Variants in EYS observed in about 807,000 individuals in gnomAD.
EYS encodes EGF-like photoreceptor maintenance factor.
A neutral mutation model predicts 282.1 loss-of-function variants in EYS; 250 were observed. The observed-to-expected ratio is 0.89, with a 90% confidence interval of 0.80 to 0.98. The LOEUF (loss-of-function observed/expected upper bound fraction) is 0.98, where lower values mean the gene tolerates loss of function less well. Ranked by LOEUF, EYS falls within the 50% of genes least tolerant of loss-of-function variation. The pLI, the probability that EYS is intolerant of heterozygous loss-of-function variation, is 0.00. For synonymous variants in EYS, 1,355 were observed against 1,282.9 expected (o/e 1.06, Z -1.20); for missense variants, 4,016 against 3,709.0 (o/e 1.08, Z -2.15).
intron 39 of EYS, chr6:63,779,177 G>T (rs1404737317): frequency 6.6e-6 from 1 of 150,784 alleles, no homozygotes; most frequent in Non-Finnish European, 1.5e-5. Flanking sequence ...AGAACTTCTC[G>T]GCCGGGAACG....
chr6:64,620,549 C>A (rs1026515184), intron 23 of EYS, among the ~76,000 whole-genome samples: 7 of 152,128 alleles, frequency 4.6e-5, no homozygotes, highest in Non-Finnish European at 4.4e-5. Flanking sequence ...GTACAGGAAA[C>A]CACACTACAT....
intron 37 of EYS, among the ~76,000 whole-genome samples, chr6:63,793,871 C>A (rs1770577410): frequency 6.6e-6 from 1 of 152,104 alleles, no homozygotes; most frequent in African/African-American, 2.4e-5. Context: ...CGCTTAGAGC[C>A]TTTGTATGTA....
At chr6:64,843,923 T>C (rs776257187) in intron 19 of EYS, among the ~76,000 whole-genome samples, 21 of 152,096 alleles carry the variant, frequency 1.4e-4, no homozygotes, top group Non-Finnish European at 2.9e-5. Flanking sequence ...CGGTGGGAGA[T>C]AATTGAATCA....
intron 22 of EYS, among the ~76,000 whole-genome samples, chr6:64,736,600 A>G (rs1389048164): frequency 6.6e-6 from 1 of 152,106 alleles, no homozygotes; most frequent in Non-Finnish European, 1.5e-5. Flanking sequence ...AATTGTTACT[A>G]TTTTATCTTT....
chr6:65,161,415 G>A lies in EYS; in HGVS notation c.2024-103688C>T, dbSNP rs184443936. Among the ~76,000 whole-genome samples the A allele has an allele frequency of 4.3e-3, 649 of 150,944 alleles. 6 individuals are homozygous for A. The highest frequency in any genetic ancestry group is 6.8e-3 in the Middle Eastern group (2 of 294). On this transcript the variant is annotated intron_variant, in intron 12 of 42. Coordinates refer to ENST00000503581, the MANE Select transcript of EYS (RefSeq NM_001142800.2). ...AATGTACAAGCCTCTCTCAGAGCAT[G>A]AGCCTGAATTTATTGCAAAATTATG...
intron 28 of EYS, among the ~76,000 whole-genome samples, chr6:64,396,278 A>G (rs1773373086): frequency 6.6e-6 from 1 of 152,176 alleles, no homozygotes; most frequent in South Asian, 2.1e-4. Context: ...ACATGCTTGT[A>G]TGTATTGTTT....
chr6:64,261,395 TTAATC>T (rs1256580530), intron 30 of EYS, among the ~76,000 whole-genome samples: 3 of 152,144 alleles, frequency 2.0e-5, no homozygotes, highest in Non-Finnish European at 2.9e-5. Flanking sequence ...GTTGATATAT[TTAATC>T]TAAGATATAG....
rs188074930 is a variant in EYS at position 64,029,518 on chromosome 6, G to C, written c.6726-30335C>G. Among the ~76,000 whole-genome samples the C allele has an allele frequency of 6.0e-3, 918 of 152,324 alleles. 7 individuals carry two copies. The highest frequency in any genetic ancestry group is 0.024 in the Middle Eastern group (7 of 294). ...CTTGAGGGACCGGTGTTTCAAAAATGCACGTGTGTGGCCCTCAACCCTGAC... is the reference window on the plus strand; with the variant it reads ...CTTGAGGGACCGGTGTTTCAAAAATCCACGTGTGTGGCCCTCAACCCTGAC... On this transcript the variant is annotated intron_variant, in intron 33 of 42. Transcript: ENST00000503581.
chr6:64,821,540 T>C lies in EYS; in HGVS notation c.3243+105A>G, dbSNP rs898384806. ...GAAAGATGAGAGAACAGTTAAATCA[T>C]CAACAACTGTGGAAGAAATGACTCT... On this transcript the variant is annotated intron_variant, in intron 21 of 42. Transcript: ENST00000503581. The C allele has an allele frequency of 7.7e-5, 46 of 595,718 alleles. No individual in the cohort carries two copies. In the South Asian group the frequency reaches 1.0e-3, roughly 13 times the overall value. 36.9% of individuals were successfully genotyped at this position (595,718 alleles called of 1,614,324 possible). A position where few individuals can be genotyped will look rare whatever the true frequency, so the allele number is the denominator to read the frequency against.
At position 63,720,794 on chromosome 6, in the gene EYS, T is replaced by G. The variant is rs139944387; in HGVS notation, c.9237A>C (p.Leu3079=). The G allele has an allele frequency of 6.4e-7, 1 of 1,551,126 alleles. No individual in the cohort carries two copies. Among genetic ancestry groups the G allele is most frequent in the Non-Finnish European group, 8.7e-7 (1 of 1,146,598 alleles). ...DIDPHKNFVA[L]NYDGICYLGG... ...CTAGATAACAAATGCCATCATAGTTTAGAGCCACAAAGTTTTTATGTGGAT... is the reference window on the plus strand; with the variant it reads ...CTAGATAACAAATGCCATCATAGTTGAGAGCCACAAAGTTTTTATGTGGAT... The change falls in exon 43 of 43, where the codon CTA becomes CTC. Residue 3079 remains leucine (L), a synonymous_variant. Coordinates refer to ENST00000503581, the MANE Select transcript of EYS (RefSeq NM_001142800.2).
At chr6:64,302,939 G>C (rs778901025) in intron 30 of EYS, among the ~76,000 whole-genome samples, 1 of 151,912 alleles carries the variant, frequency 6.6e-6, no homozygotes, top group African/African-American at 2.4e-5. Context: ...ATTCCAGCAC[G>C]ATGCATCAAA....
chr6:65,296,051 T>C lies in EYS; in HGVS notation c.1835A>G (p.His612Arg), dbSNP rs1235347965. The change falls in exon 12 of 43, where the codon CAC (histidine) becomes CGC (arginine). Residue 612 changes from histidine to arginine, a missense_variant. Coordinates refer to ENST00000503581, the MANE Select transcript of EYS (RefSeq NM_001142800.2). ...GCAGAGGCCATGCACTGATATACTG[T>C]GGTTCCCTAAGCAATAGTCAACATT... is the stretch of plus-strand genomic sequence containing the variant. ...VVNVDYCLGN[H>R]SISVHGLCLA... 5 of 1,550,744 alleles carry C rather than the reference T, an allele frequency of 3.2e-6. No individual in the cohort carries two copies. The Admixed American group carries it at 9.8e-5, about 30-fold the overall frequency.
intron 36 of EYS, among the ~76,000 whole-genome samples, chr6:63,851,839 A>T (rs1259886001): frequency 6.6e-6 from 1 of 152,090 alleles, no homozygotes; most frequent in Non-Finnish European, 1.5e-5. Context: ...ACTGAAGGAG[A>T]TAGAGACACA....
intron 19 of EYS, among the ~76,000 whole-genome samples, chr6:64,864,762 G>T (rs954861941): frequency 6.6e-6 from 1 of 151,788 alleles, no homozygotes; most frequent in African/African-American, 2.4e-5. Flanking sequence ...TGGGGCAGGC[G>T]CAGTGGCTCA....
chr6:65,597,930 G>A (rs1006681701), intron 2 of EYS, among the ~76,000 whole-genome samples: 1 of 151,852 alleles, frequency 6.6e-6, no homozygotes, highest in Non-Finnish European at 1.5e-5. Context: ...GGAAAACCCT[G>A]TCTCAACTGA....
intron 35 of EYS, among the ~76,000 whole-genome samples, chr6:63,884,191 T>A (rs550876360): frequency 5.1e-4 from 78 of 152,290 alleles, no homozygotes; most frequent in African/African-American, 1.8e-3. Context: ...CAAGGTGGGA[T>A]AATAGAATAT....
intron 30 of EYS, among the ~76,000 whole-genome samples, chr6:64,303,947 G>C (rs1354649368): frequency 6.6e-6 from 1 of 151,992 alleles, no homozygotes; most frequent in East Asian, 1.9e-4. Flanking sequence ...GAATGTAAGG[G>C]AGTTTATCTA....
At chr6:65,135,921 A>C (rs1776011858) in intron 12 of EYS, among the ~76,000 whole-genome samples, 1 of 152,068 alleles carries the variant, frequency 6.6e-6, no homozygotes, top group African/African-American at 2.4e-5. Flanking sequence ...AGCTTCATGA[A>C]CTTCTTTTAA....
chr6:64,394,009 C>A (rs1397411025), intron 28 of EYS, among the ~76,000 whole-genome samples: 1 of 152,074 alleles, frequency 6.6e-6, no homozygotes, highest in Non-Finnish European at 1.5e-5. Context: ...AGAGCCAAAT[C>A]ATGAGTGAAC....
Sources: allele counts gnomAD v4.1 joint callset (sites outside exome capture counted in the v4.1 genomes callset), GRCh38; gene constraint gnomAD v4.1.1; transcripts MANE v1.5; gene names NCBI Gene and HGNC (gene_info 2026-07-23, HGNC 2026-07-21).